Variants in SPAG16 observed in about 807,000 individuals in gnomAD.
SPAG16 encodes the protein sperm associated antigen 16, also known as sperm-associated antigen 16 protein.
Under a neutral mutation model 80.4 loss-of-function variants are expected in SPAG16, and 86 were observed. That is an observed-to-expected ratio of 1.07 (90% CI 0.90 to 1.28). The LOEUF is 1.28. SPAG16 is among the 50% of genes most tolerant of loss of function. The pLI, the probability that SPAG16 is intolerant of heterozygous loss-of-function variation, is 0.00. For synonymous variants in SPAG16, 294 were observed against 265.9 expected (o/e 1.11, Z -1.03); for missense variants, 870 against 765.3 (o/e 1.14, Z -1.61).
intron 15 of SPAG16, among the ~76,000 whole-genome samples, chr2:214,363,079 T>C (rs749545462): frequency 3.9e-5 from 6 of 151,924 alleles, no homozygotes; most frequent in Non-Finnish European, 8.8e-5. Context: ...TCCTATTACT[T>C]TAATCTCTAC....
rs543606266 is a variant in SPAG16 at position 213,371,486 on chromosome 2, A to T, written c.833-3524A>T. Among the ~76,000 whole-genome samples the T allele has an allele frequency of 8.3e-4, 125 of 150,112 alleles. 1 individual carries two copies. The highest frequency in any genetic ancestry group is 1.5e-3 in the South Asian group (7 of 4,770). On this transcript the variant is annotated intron_variant, in intron 8 of 15. Transcript: ENST00000331683. ...AATTCCTGTCATTCTTCATATTTTCATGTTACTTCCTCCCGCTTTACTTGC... is the reference window on the plus strand; with the variant it reads ...AATTCCTGTCATTCTTCATATTTTCTTGTTACTTCCTCCCGCTTTACTTGC...
intron 9 of SPAG16, among the ~76,000 whole-genome samples, chr2:213,391,435 G>A (rs2067746200): frequency 6.6e-6 from 1 of 152,100 alleles, no homozygotes; most frequent in African/African-American, 2.4e-5. Context: ...TTTAGAGTAT[G>A]AATTAGTTTG....
At chr2:213,871,873 CACACACAGAG>C (rs1278609640) in intron 11 of SPAG16, among the ~76,000 whole-genome samples, 8 of 28,890 alleles carry the variant, frequency 2.8e-4, no homozygotes, top group Admixed American at 4.6e-4. Flanking sequence ...CACACACACA[CACACACAGAG>C]AGAGAGAGAG....
intron 10 of SPAG16, among the ~76,000 whole-genome samples, chr2:213,529,753 T>C (rs994090913): frequency 6.6e-6 from 1 of 152,222 alleles, no homozygotes; most frequent in African/African-American, 2.4e-5. Flanking sequence ...GTATAAATGA[T>C]TTTAAATGGC....
chr2:213,870,178 A>G (rs2075892575), intron 11 of SPAG16, among the ~76,000 whole-genome samples: 2 of 152,162 alleles, frequency 1.3e-5, no homozygotes, highest in Admixed American at 1.3e-4. Flanking sequence ...ATTGAAGAGC[A>G]AAGTTTACCT....
chr2:213,361,692 G>T (rs1453369404), intron 7 of SPAG16, among the ~76,000 whole-genome samples: 2 of 151,390 alleles, frequency 1.3e-5, no homozygotes, highest in Admixed American at 6.6e-5. Context: ...ACATAATAAT[G>T]GGATATGTCA....
intron 15 of SPAG16, among the ~76,000 whole-genome samples, chr2:214,168,319 T>G (rs2056743548): frequency 1.3e-5 from 2 of 152,056 alleles, no homozygotes; most frequent in Non-Finnish European, 2.9e-5. Context: ...ATGCTTAAGT[T>G]TTCGCCTCTG....
intron 10 of SPAG16, among the ~76,000 whole-genome samples, chr2:213,620,493 C>T (rs2061742512): frequency 6.6e-6 from 1 of 151,592 alleles, no homozygotes; most frequent in South Asian, 2.1e-4. Flanking sequence ...AGGGTTTCAC[C>T]GTGTTAGCCA....
At chr2:213,904,409 A>G (rs767462229) in intron 11 of SPAG16, among the ~76,000 whole-genome samples, 5 of 152,100 alleles carry the variant, frequency 3.3e-5, no homozygotes, top group Non-Finnish European at 7.4e-5. Flanking sequence ...GAAACCCATA[A>G]TGAGACCATC....
At chr2:214,263,537 G>A (rs541527914) in intron 15 of SPAG16, among the ~76,000 whole-genome samples, 1 of 152,070 alleles carries the variant, frequency 6.6e-6, no homozygotes, top group South Asian at 2.1e-4. Context: ...AAATAACCTT[G>A]GCTGTTATAC....
intron 10 of SPAG16, among the ~76,000 whole-genome samples, chr2:213,664,538 C>T (rs758311732): frequency 6.6e-6 from 1 of 152,054 alleles, no homozygotes; most frequent in Non-Finnish European, 1.5e-5. Flanking sequence ...GACAAGCTCT[C>T]TGAGTTTAAA....
chr2:213,590,772 T>C (rs958633719), intron 10 of SPAG16, among the ~76,000 whole-genome samples: 6 of 152,220 alleles, frequency 3.9e-5, no homozygotes, highest in African/African-American at 1.4e-4. Context: ...TTAGAATTAC[T>C]GTTCAACCCA....
At chr2:213,554,710 G>A (rs77942389) in intron 10 of SPAG16, among the ~76,000 whole-genome samples, 11,985 of 150,958 alleles carry the variant, frequency 0.079, 1,160 homozygotes, top group African/African-American at 0.23. Context: ...GAAAAAATAC[G>A]ATGCAATGGA....
At chr2:213,422,319 G>C (rs769422056) in intron 9 of SPAG16, 1 of 701,508 alleles carries the variant, frequency 1.4e-6, no homozygotes, top group Non-Finnish European at 2.6e-6. Flanking sequence ...GAGTGCATCT[G>C]ATCCAGCTCC....
chr2:213,567,495 T>C (rs2125999475), intron 10 of SPAG16, among the ~76,000 whole-genome samples: 1 of 120,270 alleles, frequency 8.3e-6, no homozygotes, highest in Non-Finnish European at 1.6e-5. Flanking sequence ...TGGTTTTTTG[T>C]TCTTGCGATA....
chr2:213,529,665 A>G lies in SPAG16; in HGVS notation c.1070+39575A>G, dbSNP rs187385936. ...TATAATCTGTACAGTATGTTACTAA[A>G]ATAAATACTCTAGGCAACTGTAACA... On this transcript the variant is annotated intron_variant, in intron 10 of 15. Transcript: ENST00000331683. 2.2e-3 allele frequency among the ~76,000 whole-genome samples: 328 copies of G among 152,304 alleles called. 2 individuals carry two copies. The highest frequency in any genetic ancestry group is 7.5e-3 in the African/African-American group (311 of 41,570).
chr2:213,619,583 G>T (rs2061704480), intron 10 of SPAG16, among the ~76,000 whole-genome samples: 1 of 151,978 alleles, frequency 6.6e-6, no homozygotes, highest in Non-Finnish European at 1.5e-5. Flanking sequence ...TAATCATCCA[G>T]AAAATGCAAA....
At chr2:213,914,625 G>A (rs1455397767) in intron 11 of SPAG16, among the ~76,000 whole-genome samples, 1 of 152,044 alleles carries the variant, frequency 6.6e-6, no homozygotes, top group Non-Finnish European at 1.5e-5. Context: ...GTTTTGATGT[G>A]TTGCCATTCA....
chr2:213,366,509 C>T (rs1575383803), intron 8 of SPAG16, among the ~76,000 whole-genome samples: 1 of 152,114 alleles, frequency 6.6e-6, no homozygotes, highest in Non-Finnish European at 1.5e-5. Context: ...AGCAAAGGCA[C>T]CTCTTAGATG....
Sources: gnomAD v4.1 joint callset for allele counts (sites outside exome capture counted in the v4.1 genomes callset) on GRCh38, gnomAD v4.1.1 for gene constraint, MANE v1.5 for transcripts, NCBI Gene and HGNC (gene_info 2026-07-23, HGNC 2026-07-21) for gene names.